The following NLGN4Y variants were observed in gnomAD, a reference collection of about 807,000 sequenced individuals.
The protein encoded by NLGN4Y is neuroligin-4, Y-linked.
Under a neutral mutation model 8.4 loss-of-function variants are expected in NLGN4Y, and 4 were observed. The ratio of observed to expected loss-of-function variants is 0.48; its 90% CI spans 0.23 to 1.09. The LOEUF (loss-of-function observed/expected upper bound fraction) is 1.09. NLGN4Y is among the 50% of genes least tolerant of loss of function. NLGN4Y has a pLI of 0.19. For synonymous variants in NLGN4Y, 35 were observed against 75.6 expected (o/e 0.46, Z 2.78); for missense variants, 90 against 192.3 (o/e 0.47, Z 3.15).
At chrY:14,540,083 T>A (rs2080144865) in intron 1 of NLGN4Y, among the ~76,000 whole-genome samples, 1 of 14,630 alleles carries the variant, frequency 6.8e-5, no homozygotes, top group Non-Finnish European at 1.3e-4. Flanking sequence ...TAGGTCAACC[T>A]GGGACACTCC....
At chrY:14,635,850 C>G in intron 2 of NLGN4Y, among the ~76,000 whole-genome samples, 3 of 32,082 alleles carry the variant, frequency 9.4e-5, no homozygotes, top group African/African-American at 3.7e-4. Context: ...CCTCAGCCTC[C>G]CAAAGTGCTG....
intron 1 of NLGN4Y, among the ~76,000 whole-genome samples, chrY:14,588,504 A>G: frequency 3.0e-5 from 1 of 33,652 alleles, no homozygotes; most frequent in Non-Finnish European, 7.3e-5. Flanking sequence ...CTCCCCTTAC[A>G]TGTGGGAATT....
intron 4 of NLGN4Y, among the ~76,000 whole-genome samples, chrY:14,801,845 C>T (rs2150583705): frequency 3.0e-5 from 1 of 32,789 alleles, no homozygotes; most frequent in Non-Finnish European, 7.5e-5. Flanking sequence ...CTACTTGGGC[C>T]ATGTTAAGTT....
chrY:14,575,895 A>T, intron 1 of NLGN4Y, among the ~76,000 whole-genome samples: 1 of 33,323 alleles, frequency 3.0e-5, no homozygotes, highest in East Asian at 8.0e-4. Context: ...TGGAGGCTGC[A>T]CAACAGTGGA....
At chrY:14,720,055 T>A (rs764680568) in intron 3 of NLGN4Y, among the ~76,000 whole-genome samples, 1 of 33,328 alleles carries the variant, frequency 3.0e-5, no homozygotes, top group East Asian at 7.9e-4. Flanking sequence ...AATAATCTGC[T>A]TACAGTGAAG....
intron 2 of NLGN4Y, among the ~76,000 whole-genome samples, chrY:14,661,612 C>T: frequency 6.0e-5 from 2 of 33,433 alleles, no homozygotes; most frequent in African/African-American, 2.3e-4. Context: ...TACCACTTTC[C>T]CAGGTGAAAA....
At chrY:14,629,848 T>A in intron 2 of NLGN4Y, among the ~76,000 whole-genome samples, 2 of 33,937 alleles carry the variant, frequency 5.9e-5, no homozygotes, top group Admixed American at 5.4e-4. Flanking sequence ...GAGCAGGCAC[T>A]GCTTCACTTC....
chrY:14,824,436 G>A, intron 5 of NLGN4Y, 63 bp downstream of exon 5: 1 of 341,666 alleles, frequency 2.9e-6, no homozygotes, highest in South Asian at 3.3e-5. Context: ...AATAGTCAGA[G>A]TTCATAGCTG....
chrY:14,806,727 G>T (rs2043058776), intron 4 of NLGN4Y, among the ~76,000 whole-genome samples: 1 of 31,545 alleles, frequency 3.2e-5, no homozygotes, highest in African/African-American at 1.2e-4. Context: ...CCGAGACAGA[G>T]TTATCAAAAA....
At chrY:14,743,648 ACTCTG>A (rs2081015171) in intron 4 of NLGN4Y, among the ~76,000 whole-genome samples, 1 of 32,639 alleles carries the variant, frequency 3.1e-5, no homozygotes, top group Non-Finnish European at 7.5e-5. Context: ...CCCACAGCCC[ACTCTG>A]CTCTGTGTAA....
intron 1 of NLGN4Y, among the ~76,000 whole-genome samples, chrY:14,571,682 T>C (rs1052400177): frequency 1.6e-3 from 54 of 33,392 alleles, no homozygotes; most frequent in African/African-American, 6.0e-3. Context: ...CTTGCCTATG[T>C]ACTGAATGGT....
chrY:14,543,173 C>G, intron 1 of NLGN4Y, among the ~76,000 whole-genome samples: 1 of 33,487 alleles, frequency 3.0e-5, no homozygotes, highest in Non-Finnish European at 7.4e-5. Context: ...AATATAGGAA[C>G]CATTTTATTT....
At chrY:14,533,290 C>G in intron 1 of NLGN4Y, among the ~76,000 whole-genome samples, 5 of 32,750 alleles carry the variant, frequency 1.5e-4, no homozygotes, top group Admixed American at 1.4e-3. Flanking sequence ...TAATTTATGG[C>G]TATTTCCTAC....
At chrY:14,596,755 G>A (rs939227164) in intron 1 of NLGN4Y, among the ~76,000 whole-genome samples, 1 of 33,341 alleles carries the variant, frequency 3.0e-5, no homozygotes, top group Non-Finnish European at 7.4e-5. Context: ...CAGGTGCCTG[G>A]TATTTAGCCC....
At chrY:14,596,112 A>G (rs1282663187) in intron 1 of NLGN4Y, among the ~76,000 whole-genome samples, 1 of 33,264 alleles carries the variant, frequency 3.0e-5, no homozygotes, top group Non-Finnish European at 7.4e-5. Context: ...TGGAAGAGTG[A>G]CACCTTTTGT....
At chrY:14,738,932 C>G in intron 4 of NLGN4Y, among the ~76,000 whole-genome samples, 1 of 32,623 alleles carries the variant, frequency 3.1e-5, no homozygotes, top group African/African-American at 1.2e-4. Flanking sequence ...TTGTCACTCA[C>G]TTTGTAACAA....
chrY:14,702,732 G>A (rs2080857333), intron 2 of NLGN4Y, among the ~76,000 whole-genome samples: 5 of 33,023 alleles, frequency 1.5e-4, no homozygotes, highest in Non-Finnish European at 3.7e-4. Flanking sequence ...CTGAGAAATC[G>A]CCACACTGAC....
At chrY:14,781,092 C>G (rs977987589) in intron 4 of NLGN4Y, among the ~76,000 whole-genome samples, 3 of 33,438 alleles carry the variant, frequency 9.0e-5, no homozygotes, top group African/African-American at 3.5e-4. Flanking sequence ...AAAGAAAATG[C>G]AAAAGACTAG....
chrY:14,682,413 T>C lies in NLGN4Y; in HGVS notation c.473-37046T>C, dbSNP rs368632645. On this transcript the variant is annotated intron_variant, in intron 2 of 6. Transcript: ENST00000684976. ...AAATCCCATTTGCAGGTTCTCAGGCTGGGGTTGAAGTAGAAGCAACAATCT... is the reference window on the plus strand; with the variant it reads ...AAATCCCATTTGCAGGTTCTCAGGCCGGGGTTGAAGTAGAAGCAACAATCT... 3.9e-4 allele frequency among the ~76,000 whole-genome samples: 13 copies of C among 33,623 alleles called. No individual in the cohort carries two copies. In the South Asian group the frequency reaches 5.3e-3, roughly 14 times the overall value. 90.2% of individuals were successfully genotyped at this position (33,623 alleles called of 37,273 possible).
Sources: gnomAD v4.1 joint callset for allele counts (sites outside exome capture counted in the v4.1 genomes callset) on GRCh38, gnomAD v4.1.1 for gene constraint, MANE v1.5 for transcripts, NCBI Gene and HGNC (gene_info 2026-07-23, HGNC 2026-07-21) for gene names.